Variants in DIPK1C observed in about 807,000 individuals in gnomAD.
The protein encoded by DIPK1C is familial non-conventional Alzheimer's dementia.
A neutral mutation model predicts 28.0 loss-of-function variants in DIPK1C; 33 were observed. That is an observed-to-expected ratio of 1.18 (90% CI 0.89 to 1.58). The LOEUF (loss-of-function observed/expected upper bound fraction) is 1.58. Among genes scored for constraint, DIPK1C ranks in the 40% most tolerant of loss-of-function variants. The probability of loss-of-function intolerance (pLI) is 0.00; values close to 1 mark genes in which losing one functional copy is unlikely to be tolerated. For synonymous variants in DIPK1C, 255 were observed against 248.8 expected, an observed-to-expected ratio of 1.02 and a Z score of -0.23; for missense variants, 569 against 568.5, an observed-to-expected ratio of 1.00 and a Z score of -0.01.
intron 1 of DIPK1C, among the ~76,000 whole-genome samples, chr18:74,449,333 AT>A (rs1986345263): frequency 1.3e-5 from 2 of 152,218 alleles, no homozygotes; most frequent in African/African-American, 4.8e-5. Context: ...TCTTTCTAAC[AT>A]TCAACAAGAT....
At chr18:74,439,006 C>T (rs1986060017) in intron 3 of DIPK1C, among the ~76,000 whole-genome samples, 1 of 152,208 alleles carries the variant, frequency 6.6e-6, no homozygotes, top group South Asian at 2.1e-4. Flanking sequence ...CCTCTACATT[C>T]CTGGTCTATA....
At chr18:74,449,987 C>T (rs1484734587) in intron 1 of DIPK1C, among the ~76,000 whole-genome samples, 1 of 152,148 alleles carries the variant, frequency 6.6e-6, no homozygotes, top group African/African-American at 2.4e-5. Context: ...CTCCACATCG[C>T]CCTTCGGAGG....
rs556426657 is a variant in DIPK1C, at chr18:74,442,477, C to T, written c.877-361G>A. 2.1e-3 allele frequency among the ~76,000 whole-genome samples: 319 copies of T among 152,208 alleles called. 1 individual carries two copies. The highest frequency in any genetic ancestry group is 6.3e-3 in the Admixed American group (96 of 15,284). On this transcript the variant is annotated intron_variant, in intron 2 of 3. Coordinates refer to ENST00000343998, the MANE Select transcript of DIPK1C (RefSeq NM_001044369.3). ...CAGAGTAGCTGGGACTACAGGTGCC[C>T]ACCACCACACCCGGCTAATTTTTTT...
At chr18:74,445,680 C>T (rs773065918) in intron 2 of DIPK1C, among the ~76,000 whole-genome samples, 4 of 152,202 alleles carry the variant, frequency 2.6e-5, no homozygotes, top group Admixed American at 1.3e-4. Context: ...GCCCAGGTGA[C>T]GAGCTAAGCT....
At chr18:74,455,725 T>TAAAAAAAAAAA (rs112246757) in intron 1 of DIPK1C, among the ~76,000 whole-genome samples, 3 of 116,152 alleles carry the variant, frequency 2.6e-5, no homozygotes, top group South Asian at 3.0e-4. Context: ...CAAAACTCCA[T>TAAAAAAAAAAA]AAAAAAAAAA....
upstream of DIPK1C, among the ~76,000 whole-genome samples, chr18:74,461,245 G>A (rs994392107): frequency 1.3e-5 from 2 of 152,114 alleles, no homozygotes; most frequent in Non-Finnish European, 2.9e-5. Flanking sequence ...AACAGCTCTT[G>A]CCCCTCCAAC....
In DIPK1C at chr18:74,457,142, C is replaced by G; in HGVS notation, c.118G>C (p.Ala40Pro). Residue 40 changes from alanine (A) to proline (P), a missense_variant, in exon 1 of 4, where the codon GCG becomes CCG. Ala to Pro is a conservative substitution (Grantham distance 27). Coordinates refer to ENST00000343998, the MANE Select transcript of DIPK1C (RefSeq NM_001044369.3). The stretch of plus-strand genomic sequence containing the variant: ...CCCGGGTGCGCGCGGAGCAGCAGCG[C>G]GGCCGCCAGCACCCAGCCCGCGGTC... ...AWTAGWVLAA[A>P]LLLRAHPGVL... 1 of 1,428,644 alleles carries G rather than the reference C, an allele frequency of 7.0e-7. No individual in the cohort carries two copies. The allele number at this position is 1,428,644 out of a possible 1,614,324, so 88.5% of individuals were successfully genotyped here. A position where few individuals can be genotyped will look rare whatever the true frequency, so the allele number is the denominator to read the frequency against.
At chr18:74,463,425 C>T in the DIPK1C span, among the ~76,000 whole-genome samples, 1 of 152,220 alleles carries the variant, frequency 6.6e-6, no homozygotes, top group Non-Finnish European at 1.5e-5. Flanking sequence ...GCACTGCATT[C>T]ATTGGGACTA....
chr18:74,462,657 T>C (rs1187628199), upstream of DIPK1C, among the ~76,000 whole-genome samples: 2 of 150,792 alleles, frequency 1.3e-5, no homozygotes, highest in Non-Finnish European at 3.0e-5. Flanking sequence ...AGTACATATA[T>C]GTTTTGCTTA....
chr18:74,449,545 C>CT (rs1240553238), intron 1 of DIPK1C, among the ~76,000 whole-genome samples: 1 of 152,222 alleles, frequency 6.6e-6, no homozygotes, highest in East Asian at 1.9e-4. Flanking sequence ...GTCTGACTGC[C>CT]CCCCTGGCTT....
chr18:74,461,276 G>C (rs1986611911), upstream of DIPK1C, among the ~76,000 whole-genome samples: 1 of 152,022 alleles, frequency 6.6e-6, no homozygotes, highest in Non-Finnish European at 1.5e-5. Flanking sequence ...AGGATGAGAG[G>C]TTACATATTC....
At position 74,446,744 on chromosome 18, in the gene DIPK1C, C is replaced by G; in HGVS notation, c.738G>C (p.Gly246=). The G allele has an allele frequency of 3.3e-6, 5 of 1,533,534 alleles. No individual in the cohort carries two copies. The highest frequency in any genetic ancestry group is 4.4e-6 in the Non-Finnish European group (5 of 1,137,986). 95.0% of individuals were successfully genotyped at this position (1,533,534 alleles called of 1,614,324 possible). ...FPLDRAPGAP[G]GGQAKAISDI... ...CACTGATGGCCTTGGCCTGGCCACCCCCAGGGGCACCTGGGGCCCGGTCCA... is the reference window on the plus strand; with the variant it reads ...CACTGATGGCCTTGGCCTGGCCACCGCCAGGGGCACCTGGGGCCCGGTCCA... Residue 246 remains glycine, a synonymous_variant, in exon 2 of 4, where the codon GGG becomes GGC. Coordinates refer to ENST00000343998, the MANE Select transcript of DIPK1C (RefSeq NM_001044369.3).
intron 1 of DIPK1C, among the ~76,000 whole-genome samples, chr18:74,454,628 C>A (rs569814601): frequency 1.3e-5 from 2 of 152,182 alleles, no homozygotes; most frequent in South Asian, 2.1e-4. Flanking sequence ...TTTATTATTA[C>A]GGATAAAAGC....
chr18:74,453,461 G>A (rs573478644), intron 1 of DIPK1C, among the ~76,000 whole-genome samples: 1 of 152,294 alleles, frequency 6.6e-6, no homozygotes, highest in Non-Finnish European at 1.5e-5. Context: ...AAATCTCTCT[G>A]GATATGAGCC....
intron 3 of DIPK1C, among the ~76,000 whole-genome samples, chr18:74,441,250 A>C (rs1306391432): frequency 6.6e-6 from 1 of 152,164 alleles, no homozygotes; most frequent in South Asian, 2.1e-4. Context: ...CATCGCATGC[A>C]ACCAGGCCAT....
chr18:74,439,549 C>G (rs1986072125), intron 3 of DIPK1C, among the ~76,000 whole-genome samples: 1 of 152,162 alleles, frequency 6.6e-6, no homozygotes, highest in African/African-American at 2.4e-5. Flanking sequence ...GGTGTGGTAG[C>G]TCAAGCCTGT....
At chr18:74,437,124 T>C (rs1374608095) in intron 3 of DIPK1C, among the ~76,000 whole-genome samples, 2 of 152,204 alleles carry the variant, frequency 1.3e-5, no homozygotes, top group East Asian at 3.8e-4. Flanking sequence ...GCTTTGCTGT[T>C]ACCACCTGGA....
intron 3 of DIPK1C, among the ~76,000 whole-genome samples, chr18:74,437,555 A>G (rs1339744596): frequency 6.6e-6 from 1 of 152,234 alleles, no homozygotes; most frequent in Non-Finnish European, 1.5e-5. Context: ...GACTCAATTA[A>G]CAAATGCCTC....
upstream of DIPK1C, among the ~76,000 whole-genome samples, chr18:74,458,863 C>T (rs1189429888): frequency 2.6e-5 from 4 of 151,990 alleles, no homozygotes; most frequent in African/African-American, 7.3e-5. Context: ...CCTGCTGGCT[C>T]ATGCCTGCAA....
Sources: allele counts gnomAD v4.1 joint callset (sites outside exome capture counted in the v4.1 genomes callset), GRCh38; gene constraint gnomAD v4.1.1; transcripts MANE v1.5; gene names NCBI Gene and HGNC (gene_info 2026-07-23, HGNC 2026-07-21).